Variants in FYN observed in about 807,000 individuals in gnomAD.
The protein encoded by FYN is tyrosine-protein kinase Fyn.
A neutral mutation model predicts 70.2 loss-of-function variants in FYN; 10 were observed. The observed-to-expected ratio is 0.14, with a 90% CI of 0.09 to 0.24. The LOEUF is 0.24. Among genes scored for constraint, FYN ranks in the 10% least tolerant of loss-of-function variants. The probability of loss-of-function intolerance (pLI) is 1.00; values close to 1 mark genes in which losing one functional copy is unlikely to be tolerated. For synonymous variants in FYN, 236 were observed against 248.6 expected (o/e 0.95, Z 0.48); for missense variants, 319 against 673.1 (o/e 0.47, Z 5.82).
chr6:111,787,528 C>T (rs1771444440), intron 2 of FYN, among the ~76,000 whole-genome samples: 1 of 152,140 alleles, frequency 6.6e-6, no homozygotes, highest in South Asian at 2.1e-4. Context: ...AGGATTTTAA[C>T]TCAAGACCCA....
At chr6:111,730,882 T>C (rs1179449010) in intron 3 of FYN, among the ~76,000 whole-genome samples, 1 of 152,198 alleles carries the variant, frequency 6.6e-6, no homozygotes, top group Non-Finnish European at 1.5e-5. Context: ...TGGGCTTCTA[T>C]TCATGACCAG....
At chr6:111,764,207 T>G (rs1341738893) in intron 3 of FYN, among the ~76,000 whole-genome samples, 1 of 44,600 alleles carries the variant, frequency 2.2e-5, no homozygotes, top group Non-Finnish European at 3.6e-5. Flanking sequence ...GTCACTGGAT[T>G]TTGTCAAGCA....
At chr6:111,757,581 T>C (rs1802797577) in intron 3 of FYN, among the ~76,000 whole-genome samples, 1 of 152,090 alleles carries the variant, frequency 6.6e-6, no homozygotes, top group Non-Finnish European at 1.5e-5. Context: ...TCTACACAGC[T>C]TACAATAAAG....
intron 3 of FYN, among the ~76,000 whole-genome samples, chr6:111,776,462 C>T (rs1464180290): frequency 6.6e-6 from 1 of 152,240 alleles, no homozygotes; most frequent in Non-Finnish European, 1.5e-5. Context: ...TCTCTGTTAT[C>T]TCTGGACTTG....
chr6:111,700,317 T>A (rs1326933824), intron 8 of FYN, 49 bp from the exon 9 acceptor site: 1 of 1,592,422 alleles, frequency 6.3e-7, no homozygotes, highest in South Asian at 1.1e-5. Context: ...GCAGAACACA[T>A]GTAATGACAA....
At chr6:111,683,125 C>T (rs961547377) in intron 12 of FYN, among the ~76,000 whole-genome samples, 10 of 152,244 alleles carry the variant, frequency 6.6e-5, no homozygotes, top group Admixed American at 1.3e-4. Context: ...AGGTTGCCTC[C>T]GCCCTTGGGG....
intron 3 of FYN, among the ~76,000 whole-genome samples, chr6:111,777,060 C>T (rs992759477): frequency 3.9e-5 from 6 of 152,170 alleles, no homozygotes; most frequent in African/African-American, 1.2e-4. Flanking sequence ...TAGAGGTCAT[C>T]AAATGACTAA....
In FYN at chr6:111,811,602, T is replaced by C. The variant is rs142226592; in HGVS notation, c.-81-30967A>G. ...CTCTGGGAATCTGTTCCAACCTTAC[T>C]TGACCTTACATATGATGAGGGTAGG... On this transcript the variant is annotated intron_variant, in intron 2 of 13. Transcript: ENST00000354650. Among the ~76,000 whole-genome samples the C allele has an allele frequency of 2.6e-4, 40 of 152,310 alleles. No individual in the cohort carries two copies. In the East Asian group the frequency reaches 7.5e-3, roughly 29 times the overall value.
chr6:111,825,984 G>A (rs975217575), intron 2 of FYN, among the ~76,000 whole-genome samples: 2 of 152,188 alleles, frequency 1.3e-5, no homozygotes, highest in South Asian at 2.1e-4. Context: ...GAGTTAGGGC[G>A]AGTATTCTAT....
chr6:111,779,121 ATTTTTTTTTTTTTT>A (rs397934539), intron 3 of FYN, among the ~76,000 whole-genome samples: 2 of 91,526 alleles, frequency 2.2e-5, no homozygotes, highest in East Asian at 3.4e-4. Context: ...AGTAGGAGAC[ATTTTTTTTTTTTTT>A]TTTTTTTTTT....
intron 13 of FYN, among the ~76,000 whole-genome samples, chr6:111,673,624 T>TTTC (rs1446196732): frequency 1.1e-5 from 1 of 87,646 alleles, no homozygotes; most frequent in African/African-American, 1.0e-4. Flanking sequence ...CTATCATTGT[T>TTTC]TTTTTTTTTT....
intron 12 of FYN, among the ~76,000 whole-genome samples, chr6:111,688,872 G>GA (rs1307682042): frequency 3.3e-5 from 5 of 152,162 alleles, no homozygotes; most frequent in Admixed American, 6.5e-5. Context: ...GGGGTGAGGG[G>GA]GCCCTTGGAG....
At chr6:111,764,412 G>A (rs936112258) in intron 3 of FYN, among the ~76,000 whole-genome samples, 1 of 152,224 alleles carries the variant, frequency 6.6e-6, no homozygotes, top group Middle Eastern at 3.4e-3. Context: ...CAAGCCTTGG[G>A]TATTTTGTAA....
chr6:111,858,761 C>G (rs1773887010), intron 1 of FYN, among the ~76,000 whole-genome samples: 1 of 151,404 alleles, frequency 6.6e-6, no homozygotes, highest in Non-Finnish European at 1.5e-5. Context: ...AAATTGAATA[C>G]CAGTTCAAAA....
In FYN at chr6:111,664,052, C is replaced by T. The variant is rs568537797; in HGVS notation, c.1406-2105G>A. Among the ~76,000 whole-genome samples, 24 of 152,288 alleles carry T rather than the reference C, an allele frequency of 1.6e-4. No homozygotes were observed. The South Asian group carries it at 1.9e-3, about 12-fold the overall frequency. ...CTGGCCACAAAACCTGAACTGATTA[C>T]GAGGCTATTTACTGTTTTTATTTCT... On this transcript the variant is annotated intron_variant, in intron 13 of 13. Transcript: ENST00000354650.
At chr6:111,685,980 A>G (rs2128422702) in intron 12 of FYN, among the ~76,000 whole-genome samples, 1 of 152,296 alleles carries the variant, frequency 6.6e-6, no homozygotes, top group Non-Finnish European at 1.5e-5. Context: ...GTGGGAATGA[A>G]AGAAATTGGT....
chr6:111,802,144 T>C (rs1359133744), intron 2 of FYN, among the ~76,000 whole-genome samples: 1 of 152,118 alleles, frequency 6.6e-6, no homozygotes, highest in East Asian at 1.9e-4. Context: ...GACTGGATCA[T>C]GGGGGCAGAT....
intron 3 of FYN, among the ~76,000 whole-genome samples, chr6:111,728,101 G>T (rs79451915): frequency 6.6e-6 from 1 of 152,098 alleles, no homozygotes; most frequent in East Asian, 1.9e-4. Context: ...CCATGGAAAG[G>T]CTCCAAGAAA....
At chr6:111,758,252 C>T (rs1033520584) in intron 3 of FYN, among the ~76,000 whole-genome samples, 5 of 152,088 alleles carry the variant, frequency 3.3e-5, no homozygotes, top group East Asian at 1.9e-4. Context: ...CGGTGCACTG[C>T]TAAGTTAAAA....
Sources: allele counts gnomAD v4.1 joint callset (sites outside exome capture counted in the v4.1 genomes callset), GRCh38; gene constraint gnomAD v4.1.1; transcripts MANE v1.5; gene names NCBI Gene and HGNC (gene_info 2026-07-23, HGNC 2026-07-21).